Variants in STPG2 observed in about 807,000 individuals in gnomAD.
STPG2 encodes the protein sperm-tail PG-rich repeat-containing protein 2.
In STPG2, 56 loss-of-function variants were observed where a neutral mutation model predicts 54.2. The ratio of observed to expected loss-of-function variants is 1.03; its 90% CI spans 0.83 to 1.29. The LOEUF (loss-of-function observed/expected upper bound fraction) is 1.29, where lower values mean the gene tolerates loss of function less well. Among genes scored for constraint, STPG2 ranks in the 50% most tolerant of loss-of-function variants. The probability of loss-of-function intolerance (pLI) is 0.00; values close to 1 mark genes in which losing one functional copy is unlikely to be tolerated. For missense variants in STPG2, 596 were observed against 544.9 expected (o/e 1.09, Z -0.93); for synonymous variants, 200 against 181.8 (o/e 1.10, Z -0.81).
At chr4:97,785,162 TATA>T (rs1249802207) in intron 9 of STPG2, among the ~76,000 whole-genome samples, 1 of 152,024 alleles carries the variant, frequency 6.6e-6, no homozygotes, top group Non-Finnish European at 1.5e-5. Flanking sequence ...TGTACTGTCA[TATA>T]ATATTTTTCC....
At chr4:97,945,769 C>G (rs573304650) in intron 7 of STPG2, among the ~76,000 whole-genome samples, 2 of 152,154 alleles carry the variant, frequency 1.3e-5, no homozygotes, top group South Asian at 4.1e-4. Context: ...TTAACACTGG[C>G]CATTCTTGGA....
chr4:97,452,623 C>A (rs984356846), intron 4 of STPG2, among the ~76,000 whole-genome samples: 2 of 152,164 alleles, frequency 1.3e-5, no homozygotes. Context: ...CAGCAGGAGA[C>A]GTCAAGATGA....
At chr4:97,944,554 T>C (rs946705431) in intron 7 of STPG2, among the ~76,000 whole-genome samples, 9 of 152,076 alleles carry the variant, frequency 5.9e-5, no homozygotes, top group Admixed American at 5.9e-4. Context: ...CTTGTGATAC[T>C]TTCTATTTTG....
At position 97,755,522 on chromosome 4, in the gene STPG2, T is replaced by C. The variant is rs538312290; in HGVS notation, c.1205-42708A>G. Among the ~76,000 whole-genome samples the C allele has an allele frequency of 8.1e-4, 124 of 152,300 alleles. 1 individual carries two copies. The highest frequency in any genetic ancestry group is 6.8e-3 in the Middle Eastern group (2 of 294). On this transcript the variant is annotated intron_variant, in intron 9 of 10. Transcript: ENST00000295268. ...TCTCTCTAGGACTATAAATTGCCAA[T>C]TTCTTTAAGAAAAAAAGCAAAGATG... is the stretch of plus-strand genomic sequence containing the variant.
chr4:97,544,369 A>T (rs1028198891), intron 4 of STPG2, among the ~76,000 whole-genome samples: 2 of 152,074 alleles, frequency 1.3e-5, no homozygotes, highest in African/African-American at 4.8e-5. Flanking sequence ...AAAGAAATTT[A>T]GGATAAATGG....
intron 8 of STPG2, among the ~76,000 whole-genome samples, chr4:97,881,108 T>C (rs1298025683): frequency 1.3e-5 from 2 of 150,186 alleles, no homozygotes. Flanking sequence ...AAAAATGGGA[T>C]CTAGTCCCCT....
chr4:97,970,479 A>C (rs887152678), intron 7 of STPG2, among the ~76,000 whole-genome samples: 1 of 152,232 alleles, frequency 6.6e-6, no homozygotes, highest in African/African-American at 2.4e-5. Flanking sequence ...CCAATGGAAC[A>C]GAACAGAGCC....
intron 10 of STPG2, among the ~76,000 whole-genome samples, chr4:97,672,364 G>T (rs1722726788): frequency 1.3e-5 from 2 of 151,530 alleles, no homozygotes; most frequent in South Asian, 4.2e-4. Flanking sequence ...TTTTAGTAGA[G>T]ACAGGGTTTC....
chr4:97,923,124 C>A (rs1732173441), intron 8 of STPG2, among the ~76,000 whole-genome samples: 1 of 152,398 alleles, frequency 6.6e-6, no homozygotes, highest in African/African-American at 2.4e-5. Flanking sequence ...ACTCTTGGCA[C>A]CTCCTCGGCC....
chr4:97,793,561 T>C (rs1482422435), intron 9 of STPG2, among the ~76,000 whole-genome samples: 2 of 151,986 alleles, frequency 1.3e-5, no homozygotes, highest in African/African-American at 2.4e-5. Flanking sequence ...TAAAATCTTT[T>C]ACCAAAGGGG....
At chr4:97,623,427 T>G (rs991561039) in intron 10 of STPG2, among the ~76,000 whole-genome samples, 1 of 151,560 alleles carries the variant, frequency 6.6e-6, no homozygotes, top group African/African-American at 2.4e-5. Flanking sequence ...GAAAAAAAAT[T>G]AAAAAGTGGG....
chr4:97,549,571 T>C (rs1045660866), intron 4 of STPG2, among the ~76,000 whole-genome samples: 4 of 152,124 alleles, frequency 2.6e-5, no homozygotes, highest in Non-Finnish European at 4.4e-5. Flanking sequence ...AAATCGGCCT[T>C]ATTTGGAAAA....
intron 5 of STPG2, among the ~76,000 whole-genome samples, chr4:98,051,259 G>C (rs1467301252): frequency 1.3e-5 from 2 of 152,096 alleles, no homozygotes; most frequent in Non-Finnish European, 2.9e-5. Context: ...GTACCTACCT[G>C]ATCATCTATA....
At position 98,072,863 on chromosome 4, in the gene STPG2, A is replaced by G. The variant is rs1578832116; in HGVS notation, c.612+33090T>C. Among the ~76,000 whole-genome samples, 15 of 152,264 alleles carry G rather than the reference A, an allele frequency of 9.9e-5. No individual in the cohort carries two copies. In the South Asian group the frequency reaches 3.1e-3, roughly 32 times the overall value. ...AGCTCTAAACACACTACTACTTTGA[A>G]CCTGCTTTATTGCTTGACCTTAGTT... On this transcript the variant is annotated intron_variant, in intron 5 of 10. Transcript: ENST00000295268.
chr4:97,948,451 T>C (rs528437353), intron 7 of STPG2, among the ~76,000 whole-genome samples: 1 of 152,224 alleles, frequency 6.6e-6, no homozygotes, highest in South Asian at 2.1e-4. Context: ...ACTTCTTTTC[T>C]TCTAGATTTG....
chr4:98,028,414 T>C (rs1736495768), intron 5 of STPG2, among the ~76,000 whole-genome samples: 1 of 152,180 alleles, frequency 6.6e-6, no homozygotes, highest in Non-Finnish European at 1.5e-5. Flanking sequence ...AAAGTCTAGT[T>C]TCCACATAAT....
intron 8 of STPG2, among the ~76,000 whole-genome samples, chr4:97,941,014 T>G (rs1202531451): frequency 6.6e-6 from 1 of 152,146 alleles, no homozygotes; most frequent in Non-Finnish European, 1.5e-5. Context: ...CTTTATGAAC[T>G]ATTGCATGTC....
intron 4 of STPG2, among the ~76,000 whole-genome samples, chr4:97,518,716 C>G (rs555465374): frequency 6.6e-6 from 1 of 152,208 alleles, no homozygotes; most frequent in South Asian, 2.1e-4. Flanking sequence ...TTCTCCATTT[C>G]ATACCAGGTT....
In STPG2 at chr4:97,701,941, A is replaced by G. The variant is rs978635145; in HGVS notation, c.1320+10758T>C. ...TTGTAGTTGAGTGACGGTGGTTCCC[A>G]TTGTTAGATGTGACATACAGAGAAG... On this transcript the variant is annotated intron_variant, in intron 10 of 10. Transcript: ENST00000295268. 2.6e-5 allele frequency among the ~76,000 whole-genome samples: 4 copies of G among 152,144 alleles called. No homozygotes were observed. In the East Asian group the frequency reaches 7.7e-4, roughly 29 times the overall value.
Sources: gnomAD v4.1 joint callset for allele counts (sites outside exome capture counted in the v4.1 genomes callset) on GRCh38, gnomAD v4.1.1 for gene constraint, MANE v1.5 for transcripts, NCBI Gene and HGNC (gene_info 2026-07-23, HGNC 2026-07-21) for gene names.